LDLRAD4: variants seen among roughly 807,000 people sequenced by gnomAD.
LDLRAD4 encodes the protein low density lipoprotein receptor class A domain containing 4.
In LDLRAD4, 5 loss-of-function variants were observed where a neutral mutation model predicts 17.0. The observed-to-expected ratio is 0.29, with a 90% CI of 0.15 to 0.62. LDLRAD4 has a LOEUF of 0.62. Among genes scored for constraint, LDLRAD4 ranks in the 20% least tolerant of loss-of-function variants. The probability of loss-of-function intolerance (pLI) is 0.84; values close to 1 mark genes in which losing one functional copy is unlikely to be tolerated. For synonymous variants in LDLRAD4, 168 were observed against 171.8 expected (o/e 0.98, Z 0.17); for missense variants, 340 against 424.7 (o/e 0.80, Z 1.75).
chr18:13,336,032 A>T (rs754032533), intron 1 of LDLRAD4, among the ~76,000 whole-genome samples: 1 of 152,166 alleles, frequency 6.6e-6, no homozygotes, highest in Non-Finnish European at 1.5e-5. Context: ...GCTTCCACTC[A>T]TGGCTGAAAA....
At chr18:13,384,295 A>G (rs1382028907) in intron 1 of LDLRAD4, among the ~76,000 whole-genome samples, 1 of 152,242 alleles carries the variant, frequency 6.6e-6, no homozygotes, top group Admixed American at 6.5e-5. Context: ...ATTTTGACAA[A>G]TAATAACTGC....
intron 3 of LDLRAD4, among the ~76,000 whole-genome samples, chr18:13,459,159 CAAAAAAAAAAAAAA>C (rs534798084): frequency 1.3e-4 from 7 of 53,734 alleles, no homozygotes; most frequent in Admixed American, 2.9e-4. Context: ...ATCTCTACAC[CAAAAAAAAAAAAAA>C]AAAAAAAAAA....
chr18:13,294,738 C>G (rs1048219531), intron 1 of LDLRAD4, among the ~76,000 whole-genome samples: 5 of 151,716 alleles, frequency 3.3e-5, no homozygotes, highest in African/African-American at 1.2e-4. Context: ...TAGGAAAATT[C>G]CGGTTGCAGA....
intron 1 of LDLRAD4, among the ~76,000 whole-genome samples, chr18:13,386,566 C>T (rs1175335021): frequency 1.3e-5 from 2 of 152,142 alleles, no homozygotes; most frequent in African/African-American, 4.8e-5. Context: ...GACAGGGTTT[C>T]TCCATGTTGA....
chr18:13,340,182 G>C (rs1217686528), intron 1 of LDLRAD4, among the ~76,000 whole-genome samples: 1 of 152,120 alleles, frequency 6.6e-6, no homozygotes, highest in Non-Finnish European at 1.5e-5. Flanking sequence ...ATGAACACTT[G>C]GGTTGTTTTC....
At chr18:13,358,316 A>G (rs544352107) in intron 1 of LDLRAD4, among the ~76,000 whole-genome samples, 1 of 152,114 alleles carries the variant, frequency 6.6e-6, no homozygotes, top group Non-Finnish European at 1.5e-5. Context: ...CGATATAGAT[A>G]TCTAGATTAT....
intron 1 of LDLRAD4, among the ~76,000 whole-genome samples, chr18:13,264,854 T>A (rs2044125216): frequency 6.6e-6 from 1 of 152,244 alleles, no homozygotes; most frequent in South Asian, 2.1e-4. Flanking sequence ...TAAAAGCGTT[T>A]CAAGTACAGT....
chr18:13,462,231 C>T (rs1255462297), intron 3 of LDLRAD4: 1 of 152,296 alleles, frequency 6.6e-6, no homozygotes, highest in Non-Finnish European at 1.5e-5. Context: ...ACTGTGGTTA[C>T]ACTGGACAGA....
chr18:13,227,969 G>A (rs1042836725), intron 1 of LDLRAD4, among the ~76,000 whole-genome samples: 1 of 152,198 alleles, frequency 6.6e-6, no homozygotes, highest in African/African-American at 2.4e-5. Flanking sequence ...TCAAGGAGGT[G>A]CCTAGGTGCG....
rs1376640514 is a variant in LDLRAD4 at position 13,528,237 on chromosome 18, T to G, written c.181+89853T>G. ...TCCTAGCCCACATCTGCCAGTAGTC[T>G]TCCTCTGCCAGCACTGAGCTGGAGA... On this transcript the variant is annotated intron_variant, in intron 3 of 5. Transcript: ENST00000359446. 2.6e-5 allele frequency among the ~76,000 whole-genome samples: 4 copies of G among 152,238 alleles called. No individual in the cohort carries two copies. The East Asian group carries it at 5.8e-4, about 22-fold the overall frequency.
At chr18:13,576,340 T>A (rs1187980585) in intron 3 of LDLRAD4, among the ~76,000 whole-genome samples, 2 of 146,852 alleles carry the variant, frequency 1.4e-5, no homozygotes, top group African/African-American at 2.5e-5. Flanking sequence ...GAGAATAGCG[T>A]GAACCTGGGA....
chr18:13,221,985 A>G (rs1157601885), intron 1 of LDLRAD4, among the ~76,000 whole-genome samples: 2 of 152,220 alleles, frequency 1.3e-5, no homozygotes, highest in Non-Finnish European at 2.9e-5. Context: ...TGGTTAATAT[A>G]TTGGCATTCC....
In LDLRAD4 at chr18:13,642,637, G is replaced by C. The variant is rs907993502; in HGVS notation, c.337-722G>C. ...CGGACTTGCGCCTCTGCTGGAGGCC[G>C]GGCAGGGCACGGGCGGGCCCCGGGC... On this transcript the variant is annotated intron_variant, in intron 4 of 5. Transcript: ENST00000359446. 119 of 1,230,990 alleles carry C rather than the reference G, an allele frequency of 9.7e-5. No individual in the cohort carries two copies. In the African/African-American group the frequency reaches 1.7e-3, roughly 17 times the overall value. 76.3% of individuals were successfully genotyped at this position (1,230,990 alleles called of 1,614,324 possible).
At chr18:13,646,245 C>G (rs889634620) in exon 6 of LDLRAD4, 7 of 152,624 alleles carry the variant, frequency 4.6e-5, no homozygotes, top group Non-Finnish European at 1.0e-4. Flanking sequence ...GTTGCACTAT[C>G]TTAATGTTGA....
At chr18:13,393,500 C>G (rs192831312) in intron 2 of LDLRAD4, among the ~76,000 whole-genome samples, 1 of 152,300 alleles carries the variant, frequency 6.6e-6, no homozygotes, top group Non-Finnish European at 1.5e-5. Flanking sequence ...CCATCTGCAG[C>G]TCCCGTGTGC....
At chr18:13,608,481 A>G (rs1197815162) in intron 3 of LDLRAD4, among the ~76,000 whole-genome samples, 1 of 152,056 alleles carries the variant, frequency 6.6e-6, no homozygotes, top group Non-Finnish European at 1.5e-5. Context: ...TCCCTTTACC[A>G]CTCAGAAATT....
At position 13,621,290 on chromosome 18, in the gene LDLRAD4, C is replaced by G. The variant is rs2040604330; in HGVS notation, c.336+19C>G. 6.3e-7 allele frequency: 1 copy of G among 1,598,242 alleles called. No individual in the cohort carries two copies. Among genetic ancestry groups the G allele is most frequent in the Non-Finnish European group, 8.5e-7 (1 of 1,170,044 alleles). On this transcript the variant is annotated intron_variant, in intron 4 of 5. Transcript: ENST00000359446. This position sits in a 1 kb window ranked among gnomAD's most constrained non-coding sequence, Gnocchi z 5.5. ...GCCGCAGGTGAGTACCCTGGCCGCC[C>G]CGGCTCCAGAGTCAGGCAGCTGCAA...
At chr18:13,648,354 ATAGT>A (rs2043095682) in exon 6 of LDLRAD4, 2 of 152,244 alleles carry the variant, frequency 1.3e-5, no homozygotes, top group South Asian at 4.1e-4. Flanking sequence ...CCTTTGTTAA[ATAGT>A]TATTTAAAGA....
chr18:13,278,741 T>G (rs2045053099), intron 1 of LDLRAD4, among the ~76,000 whole-genome samples: 2 of 152,202 alleles, frequency 1.3e-5, no homozygotes. Flanking sequence ...ATGTAAGCCT[T>G]ATGAGGGCAA....
Sources: allele counts gnomAD v4.1 joint callset (sites outside exome capture counted in the v4.1 genomes callset), GRCh38; gene constraint gnomAD v4.1.1; non-coding constraint Gnocchi (gnomAD v3.1); transcripts MANE v1.5; gene names NCBI Gene and HGNC (gene_info 2026-07-23, HGNC 2026-07-21).